HTR4: variants seen among roughly 807,000 people sequenced by gnomAD.
HTR4 encodes 5-hydroxytryptamine receptor 4.
A neutral mutation model predicts 36.8 loss-of-function variants in HTR4; 16 were observed. That is an observed-to-expected ratio of 0.43 (90% CI 0.29 to 0.66). The LOEUF is 0.66. HTR4 is among the 30% of genes least tolerant of loss of function. The pLI, the probability that HTR4 is intolerant of heterozygous loss-of-function variation, is 0.13. For synonymous variants in HTR4, 189 were observed against 185.1 expected (o/e 1.02, Z -0.17); for missense variants, 438 against 490.9 (o/e 0.89, Z 1.02).
intron 4 of HTR4, among the ~76,000 whole-genome samples, chr5:148,525,001 C>T (rs1452215966): frequency 6.6e-6 from 1 of 152,054 alleles, no homozygotes; most frequent in African/African-American, 2.4e-5. Context: ...GACATTGTGC[C>T]AAAAGCTCCT....
intron 2 of HTR4, among the ~76,000 whole-genome samples, chr5:148,566,229 G>A (rs139641872): frequency 6.6e-6 from 1 of 152,050 alleles, no homozygotes; most frequent in East Asian, 1.9e-4. Flanking sequence ...GTTAAAAGCA[G>A]GTATAAAACA....
downstream of HTR4, among the ~76,000 whole-genome samples, chr5:148,473,143 C>CA (rs1490424489): frequency 2.0e-5 from 3 of 151,548 alleles, no homozygotes; most frequent in South Asian, 6.3e-4. Context: ...ACTAAAAATA[C>CA]AAAAAATTAG....
intron 6 of HTR4, among the ~76,000 whole-genome samples, chr5:148,508,439 A>C (rs550952340): frequency 1.9e-4 from 29 of 152,300 alleles, no homozygotes; most frequent in African/African-American, 6.5e-4. Flanking sequence ...ATTTAACTCC[A>C]AAGTCACTTC....
At chr5:148,574,027 C>A (rs1221905163) in intron 2 of HTR4, among the ~76,000 whole-genome samples, 2 of 152,046 alleles carry the variant, frequency 1.3e-5, no homozygotes, top group Non-Finnish European at 2.9e-5. Context: ...GAATTTTGCT[C>A]ATTTAAAACG....
chr5:148,473,192 G>A (rs140934648), downstream of HTR4, among the ~76,000 whole-genome samples: 885 of 151,950 alleles, frequency 5.8e-3, 30 homozygotes, highest in East Asian at 0.1. Flanking sequence ...CCAGCTACTC[G>A]GGAGGCTGAG....
At chr5:148,526,584 T>A (rs190507291) in intron 4 of HTR4, among the ~76,000 whole-genome samples, 111 of 152,306 alleles carry the variant, frequency 7.3e-4, no homozygotes, top group African/African-American at 2.6e-3. Flanking sequence ...AAGTATCCTA[T>A]AGGACACTGT....
chr5:148,608,517 G>A (rs971090147), intron 2 of HTR4, among the ~76,000 whole-genome samples: 3 of 152,128 alleles, frequency 2.0e-5, no homozygotes, highest in Non-Finnish European at 4.4e-5. Context: ...AATACGGGCC[G>A]TAAAGTAGAA....
chr5:148,566,981 A>G (rs1392241730), intron 2 of HTR4, among the ~76,000 whole-genome samples: 4 of 151,764 alleles, frequency 2.6e-5, no homozygotes, highest in African/African-American at 7.3e-5. Flanking sequence ...TTCAAAATGC[A>G]TTGCCTATGT....
intron 2 of HTR4, among the ~76,000 whole-genome samples, chr5:148,611,547 C>A (rs1330795452): frequency 1.4e-5 from 2 of 140,590 alleles, no homozygotes; most frequent in South Asian, 2.6e-4. Context: ...TGTAAAGGAA[C>A]AACCGGTACC....
chr5:148,476,544 A>G, downstream of HTR4: 1 of 1,405,028 alleles, frequency 7.1e-7, no homozygotes, highest in South Asian at 1.7e-5. Context: ...CTAATGGCAG[A>G]GCAGCACTGA....
chr5:148,466,526 G>A (rs1171239905), intron 5 of HTR4, among the ~76,000 whole-genome samples: 2 of 152,100 alleles, frequency 1.3e-5, no homozygotes. Flanking sequence ...AGCACAGTTA[G>A]ATATGTCACT....
chr5:148,542,938 T>C (rs898596312), intron 4 of HTR4, among the ~76,000 whole-genome samples: 1 of 152,140 alleles, frequency 6.6e-6, no homozygotes, highest in African/African-American at 2.4e-5. Context: ...CTTCACACCA[T>C]ATGTTTTTGG....
intron 5 of HTR4, among the ~76,000 whole-genome samples, chr5:148,466,481 A>G (rs1208884662): frequency 2.0e-5 from 3 of 152,166 alleles, no homozygotes; most frequent in Non-Finnish European, 2.9e-5. Flanking sequence ...TAAATTACAG[A>G]CCTTTTGGGG....
Position 148,507,816 on chromosome 5 carries a change from G to A in HTR4, c.1076+1640C>T, listed in dbSNP as rs369212370. 9.9e-5 allele frequency among the ~76,000 whole-genome samples: 15 copies of A among 152,192 alleles called. No individual in the cohort carries two copies. The South Asian group carries it at 2.7e-3, about 27-fold the overall frequency. On this transcript the variant is annotated intron_variant, in intron 6 of 6. Coordinates refer to ENST00000377888, the MANE Select transcript of HTR4 (RefSeq NM_000870.7). ...TAGCAAATGTATTACCAGAGCATAC[G>A]CTGTTTGTAAGTTGTCAACAGCCTG...
Position 148,607,446 on chromosome 5 carries a change from G to C in HTR4, c.26+29543C>G, listed in dbSNP as rs568313454. On this transcript the variant is annotated intron_variant, in intron 2 of 6. Coordinates refer to ENST00000377888, the MANE Select transcript of HTR4 (RefSeq NM_000870.7). ...ATGAATTGACTGAAGATACTTGAAG[G>C]AAATAAAATTAGTCATTTTTTATGG... 1.2e-4 allele frequency among the ~76,000 whole-genome samples: 19 copies of C among 152,306 alleles called. No homozygotes were observed. The South Asian group carries it at 3.1e-3, about 25-fold the overall frequency.
chr5:148,582,295 A>G (rs532749291), intron 2 of HTR4, among the ~76,000 whole-genome samples: 18 of 152,002 alleles, frequency 1.2e-4, no homozygotes, highest in Admixed American at 1.1e-3. Context: ...GTCTTTTTTT[A>G]TAATTTCAAA....
chr5:148,560,475 T>C (rs778046322), intron 2 of HTR4, among the ~76,000 whole-genome samples: 3 of 152,170 alleles, frequency 2.0e-5, no homozygotes, highest in Non-Finnish European at 2.9e-5. Flanking sequence ...TGAGGACCAC[T>C]GACCTAGAAC....
intron 5 of HTR4, among the ~76,000 whole-genome samples, chr5:148,463,280 C>A (rs944858359): frequency 7.5e-6 from 1 of 132,612 alleles, no homozygotes; most frequent in African/African-American, 2.8e-5. Flanking sequence ...TCAAGCAATT[C>A]TCTTGCCTCA....
chr5:148,463,949 T>C (rs1293658830), intron 5 of HTR4, among the ~76,000 whole-genome samples: 1 of 150,928 alleles, frequency 6.6e-6, no homozygotes, highest in Non-Finnish European at 1.5e-5. Flanking sequence ...AGTCAACTTA[T>C]CTTTGACAAA....
Sources: gnomAD v4.1 joint callset for allele counts (sites outside exome capture counted in the v4.1 genomes callset) on GRCh38, gnomAD v4.1.1 for gene constraint, MANE v1.5 for transcripts, NCBI Gene and HGNC (gene_info 2026-07-23, HGNC 2026-07-21) for gene names.